The following ADAR variants were observed in gnomAD, a reference collection of about 807,000 sequenced individuals.
The protein encoded by ADAR is adenosine deaminase RNA specific, also known as double-stranded RNA-specific adenosine deaminase.
ADAR carries 41 observed loss-of-function variants against 113.2 expected under a neutral mutation model. The observed-to-expected ratio is 0.36, with a 90% confidence interval of 0.28 to 0.47. The LOEUF is 0.47. Ranked by LOEUF, ADAR falls within the 20% of genes least tolerant of loss-of-function variation. The probability of loss-of-function intolerance (pLI) is 1.00; values close to 1 mark genes in which losing one functional copy is unlikely to be tolerated. For missense variants in ADAR, 1,242 were observed against 1,540.9 expected (o/e 0.81, Z 3.25); for synonymous variants, 605 against 572.6 (o/e 1.06, Z -0.81).
At chr1:154,609,599 T>C (rs1329606504), upstream of ADAR, among the ~76,000 whole-genome samples, 1 of 152,168 alleles carries the variant, frequency 6.6e-6, no homozygotes, top group African/African-American at 2.4e-5. Context: ...AAGGGAGGCC[T>C]TCCCCACAGC....
Position 154,597,847 on chromosome 1 carries a change from C to A in ADAR, c.1915G>T (p.Gly639Cys). Reference protein sequence around the residue: ...SCEFRLLSKEGPAHEPKFQYC... With the variant: ...SCEFRLLSKECPAHEPKFQYC... ...ACATACTTGGGTTCATGGGCAGGGC[C>A]TTCTTTGGACAGGAGACGGAATTCG... is the stretch of plus-strand genomic sequence containing the variant. The change falls in exon 4 of 15, where the codon GGC becomes TGC. Residue 639 changes from glycine (G) to cysteine (C), a missense_variant. Gly to Cys is a radical substitution (Grantham distance 159). This residue lies in a region of ADAR where 780 missense variants were observed against 1,057.9 expected (regional missense o/e 0.74). Coordinates refer to ENST00000368474, the MANE Select transcript of ADAR (RefSeq NM_001111.5). 1 of 1,614,132 alleles carries A rather than the reference C, an allele frequency of 6.2e-7. No individual in the cohort carries two copies. The highest frequency in any genetic ancestry group is 8.5e-7 in the Non-Finnish European group (1 of 1,180,038).
Position 154,583,894 on chromosome 1 carries a change from T to C in ADAR, c.*912A>G, listed in dbSNP as rs1242631764. The C allele has an allele frequency of 6.6e-6, 1 of 152,230 alleles. No individual in the cohort carries two copies. The highest frequency in any genetic ancestry group is 2.4e-5 in the African/African-American group (1 of 41,450). The allele number at this position is 152,230 out of a possible 1,614,324, so 9.4% of individuals were successfully genotyped here. On this transcript the variant is annotated 3_prime_UTR_variant, in exon 15 of 15. Transcript: ENST00000368474. ...TTTATACCCTCTAGGATTTGTCCCG[T>C]TGGCTAGGGTGTACGCCCAGCATTG...
At chr1:154,622,634 A>G (rs1174503088) in intron 1 of ADAR, among the ~76,000 whole-genome samples, 3 of 152,190 alleles carry the variant, frequency 2.0e-5, no homozygotes, top group Non-Finnish European at 4.4e-5. Flanking sequence ...TTCCAGCTGG[A>G]GGCTCCTTGG....
chr1:154,595,564 G>A (rs1295452099), intron 6 of ADAR, among the ~76,000 whole-genome samples: 1 of 151,884 alleles, frequency 6.6e-6, no homozygotes, highest in Non-Finnish European at 1.5e-5. Context: ...TATAAACAAA[G>A]GAAATATTTT....
intron 1 of ADAR, among the ~76,000 whole-genome samples, chr1:154,620,401 G>A (rs189072435): frequency 6.1e-5 from 9 of 147,630 alleles, no homozygotes; most frequent in Admixed American, 5.3e-4. Context: ...GCAAGGCTCC[G>A]TCTCAAAAAA....
Position 154,601,429 on chromosome 1 carries a change from T to C in ADAR, c.1213A>G (p.Thr405Ala). 6.2e-7 allele frequency: 1 copy of C among 1,614,228 alleles called. No homozygotes were observed. ...TGCCCATTCTCCACTTTTTCTGTGG[T>C]TACCATGTTATTTGAGGCATTTGAT... ...PTSNASNNMV[T>A]TEKVENGQEP... The change falls in exon 2 of 15, where the codon ACC (threonine) becomes GCC (alanine). Residue 405 changes from threonine to alanine, a missense_variant. Around this residue, in one of 2 missense-constraint regions of ADAR, gnomAD observed 780 missense variants for 1,057.9 expected, o/e 0.74. Transcript: ENST00000368474. This position sits in a 1 kb window ranked among gnomAD's most constrained non-coding sequence, Gnocchi z 4.7.
chr1:154,586,573 C>A (rs1472535241), intron 11 of ADAR, among the ~76,000 whole-genome samples: 2 of 152,220 alleles, frequency 1.3e-5, no homozygotes, highest in Non-Finnish European at 2.9e-5. Context: ...CTTAAAACAT[C>A]TATGGTGGTG....
At chr1:154,593,135 CAAAAAAAAAA>C (rs66567439) in intron 6 of ADAR, among the ~76,000 whole-genome samples, 2 of 74,672 alleles carry the variant, frequency 2.7e-5, no homozygotes, top group East Asian at 8.6e-4. Context: ...ACTCCATCTC[CAAAAAAAAAA>C]AAAAAAAAAA....
Position 154,608,148 on chromosome 1 carries a change from C to T in ADAR, c.-142G>A, listed in dbSNP as rs1571131741. On this transcript the variant is annotated 5_prime_UTR_variant, in exon 1 of 15. Transcript: ENST00000368474. ...CCCCGGGGCGTCGGCACGGGAAACT[C>T]CGCGGGTCTGCGCGCCGGGCCCAAG... 1 of 1,089,862 alleles carries T rather than the reference C, an allele frequency of 9.2e-7. No individual in the cohort carries two copies. The highest frequency in any genetic ancestry group is 1.2e-6 in the Non-Finnish European group (1 of 802,220). 67.5% of individuals were successfully genotyped at this position (1,089,862 alleles called of 1,614,324 possible). A position where few individuals can be genotyped will look rare whatever the true frequency, so the allele number is the denominator to read the frequency against.
intron 11 of ADAR, 51 bp downstream of exon 11, chr1:154,588,074 G>A: frequency 2.5e-6 from 4 of 1,610,466 alleles, no homozygotes; most frequent in Non-Finnish European, 3.4e-6. Flanking sequence ...TGGGGTCCCT[G>A]GACCTTGCAG....
upstream of ADAR, among the ~76,000 whole-genome samples, chr1:154,613,054 G>A (rs541764601): frequency 1.2e-4 from 18 of 152,052 alleles, no homozygotes; most frequent in East Asian, 3.3e-3. Context: ...TTCGTGATCC[G>A]CCTGCCTCGG....
chr1:154,585,870 G>A lies in ADAR; in HGVS notation c.3203-5C>T. On this transcript the variant is annotated splice_region_variant and splice_polypyrimidine_tract_variant and intron_variant, in intron 12 of 14. Coordinates refer to ENST00000368474, the MANE Select transcript of ADAR (RefSeq NM_001111.5). ...GCCCTTGGCTGAAAAGGTAACCTGA[G>A]TACAAAAAAGAGAAACATATATACC... The A allele has an allele frequency of 6.2e-7, 1 of 1,611,566 alleles. No individual in the cohort carries two copies. Among genetic ancestry groups the A allele is most frequent in the Non-Finnish European group, 8.5e-7 (1 of 1,177,926 alleles).
At chr1:154,586,120 A>C (rs915236758) in intron 12 of ADAR, 61 bp downstream of exon 12, 6 of 1,595,862 alleles carry the variant, frequency 3.8e-6, no homozygotes, top group Non-Finnish European at 8.6e-7. Context: ...TAAAGCATGC[A>C]GTTTGGGATC....
chr1:154,613,739 T>C (rs1255284609), intron 1 of ADAR, among the ~76,000 whole-genome samples: 1 of 151,978 alleles, frequency 6.6e-6, no homozygotes, highest in African/African-American at 2.4e-5. Flanking sequence ...ACTCCGTCTT[T>C]ACTAAAAATA....
At chr1:154,618,178 A>G (rs1034317849) in intron 1 of ADAR, among the ~76,000 whole-genome samples, 4 of 151,158 alleles carry the variant, frequency 2.6e-5, no homozygotes, top group African/African-American at 7.3e-5. Flanking sequence ...TAAGAATACC[A>G]TATTCTTAAT....
chr1:154,590,139 G>GGGGC, intron 7 of ADAR, 45 bp downstream of exon 7: 1 of 1,429,858 alleles, frequency 7.0e-7, no homozygotes. Flanking sequence ...GGAGTTAGGA[G>GGGGC]GACCCCCCCG....
chr1:154,612,969 G>A (rs1447040804), upstream of ADAR, among the ~76,000 whole-genome samples: 6 of 151,420 alleles, frequency 4.0e-5, no homozygotes, highest in Non-Finnish European at 7.4e-5. Flanking sequence ...ATGCCACCAT[G>A]CCTGGGTAAT....
exon 1 of ADAR, chr1:154,627,913 G>GGCCCCCCCCCCCCC: frequency 1.9e-6 from 1 of 517,174 alleles, no homozygotes. Context: ...GTGCGGCCGC[G>GGCCCCCCCCCCCCC]ACCCTCCCCC....
Position 154,586,686 on chromosome 1 carries a change from C to T in ADAR, c.3020-323G>A, listed in dbSNP as rs568936798. On this transcript the variant is annotated intron_variant, in intron 11 of 14. Coordinates refer to ENST00000368474, the MANE Select transcript of ADAR (RefSeq NM_001111.5). ...TCTGAAGGCTCTGAGGCAGCTATGACGGAGGACCACAGGGGACACCTCCTG... is the reference window on the plus strand; with the variant it reads ...TCTGAAGGCTCTGAGGCAGCTATGATGGAGGACCACAGGGGACACCTCCTG... Among the ~76,000 whole-genome samples, 7 of 152,286 alleles carry T rather than the reference C, an allele frequency of 4.6e-5. No homozygotes were observed. The South Asian group carries it at 1.0e-3, about 23-fold the overall frequency.
Sources: gnomAD v4.1 joint callset for allele counts (sites outside exome capture counted in the v4.1 genomes callset) on GRCh38, gnomAD v4.1.1 for gene constraint, gnomAD v4.1.1 regional missense constraint, Gnocchi (gnomAD v3.1) non-coding constraint, MANE v1.5 for transcripts, NCBI Gene and HGNC (gene_info 2026-07-23, HGNC 2026-07-21) for gene names.